The following TMEM132B variants were observed in gnomAD, a reference collection of about 807,000 sequenced individuals.
The protein encoded by TMEM132B is transmembrane protein 132B.
Under a neutral mutation model 90.8 loss-of-function variants are expected in TMEM132B, and 18 were observed. The ratio of observed to expected loss-of-function variants is 0.20; its 90% CI spans 0.14 to 0.29. TMEM132B has a LOEUF of 0.29. Ranked by LOEUF, TMEM132B falls within the 10% of genes least tolerant of loss-of-function variation. TMEM132B has a pLI of 1.00. For synonymous variants in TMEM132B, 504 were observed against 523.3 expected (o/e 0.96, Z 0.50); for missense variants, 1,096 against 1,326.8 (o/e 0.83, Z 2.70).
intron 3 of TMEM132B, among the ~76,000 whole-genome samples, chr12:125,503,744 A>G (rs894207260): frequency 6.6e-6 from 1 of 152,208 alleles, no homozygotes; most frequent in Admixed American, 6.5e-5. Flanking sequence ...AAAGGAAAGA[A>G]TCCAGCTTCT....
chr12:125,228,930 T>G (rs1364525045), intron 1 of TMEM132B, among the ~76,000 whole-genome samples: 1 of 151,662 alleles, frequency 6.6e-6, no homozygotes, highest in Non-Finnish European at 1.5e-5. Flanking sequence ...AAGAGAGGAG[T>G]GTAGGAGGAG....
intron 1 of TMEM132B, among the ~76,000 whole-genome samples, chr12:125,269,858 C>T (rs945767323): frequency 1.3e-5 from 2 of 152,104 alleles, no homozygotes; most frequent in Admixed American, 6.5e-5. Flanking sequence ...TCCAGCTCAC[C>T]ATCATTCCTA....
intron 2 of TMEM132B, among the ~76,000 whole-genome samples, chr12:125,354,282 G>T (rs551945345): frequency 6.6e-6 from 1 of 152,230 alleles, no homozygotes; most frequent in Non-Finnish European, 1.5e-5. Context: ...GCCCATAGAG[G>T]TGTGCCTTAT....
At chr12:125,210,036 A>G (rs559185247) in intron 1 of TMEM132B, among the ~76,000 whole-genome samples, 10 of 152,334 alleles carry the variant, frequency 6.6e-5, no homozygotes, top group African/African-American at 2.2e-4. Context: ...AACAAGGCCA[A>G]CAAAAATCTC....
At chr12:125,566,413 T>C (rs2136813737) in intron 4 of TMEM132B, among the ~76,000 whole-genome samples, 1 of 152,350 alleles carries the variant, frequency 6.6e-6, no homozygotes, top group African/African-American at 2.4e-5. Context: ...AAGACATAAA[T>C]AGTGCTCACA....
chr12:125,475,635 G>A (rs966956519), intron 3 of TMEM132B, among the ~76,000 whole-genome samples: 38 of 152,220 alleles, frequency 2.5e-4, no homozygotes, highest in African/African-American at 8.2e-4. Flanking sequence ...CTTGAACATC[G>A]GACTCCAAGT....
intron 3 of TMEM132B, among the ~76,000 whole-genome samples, chr12:125,511,724 C>T (rs537664029): frequency 5.6e-4 from 85 of 151,676 alleles, no homozygotes; most frequent in African/African-American, 1.0e-3. Context: ...TGGTGGCGGG[C>T]GCCTGTAGTC....
At chr12:125,548,901 A>C (rs557789841) in intron 4 of TMEM132B, among the ~76,000 whole-genome samples, 3 of 152,288 alleles carry the variant, frequency 2.0e-5, no homozygotes, top group Admixed American at 2.0e-4. Context: ...GTGGAAGTAC[A>C]TAGGCCCTTT....
chr12:125,306,240 C>A (rs1451828223), intron 1 of TMEM132B, among the ~76,000 whole-genome samples: 1 of 152,196 alleles, frequency 6.6e-6, no homozygotes, highest in Non-Finnish European at 1.5e-5. Context: ...GGAAATAAAT[C>A]TAAATTAAAA....
intron 5 of TMEM132B, among the ~76,000 whole-genome samples, chr12:125,606,565 G>A (rs1456471965): frequency 6.6e-6 from 1 of 152,210 alleles, no homozygotes. Flanking sequence ...TTATATATGT[G>A]AGCATGCACA....
intron 3 of TMEM132B, among the ~76,000 whole-genome samples, chr12:125,424,945 T>A (rs935581873): frequency 6.6e-6 from 1 of 152,140 alleles, no homozygotes; most frequent in Non-Finnish European, 1.5e-5. Context: ...GGATTCTTGC[T>A]GAAGGCAGCC....
intron 1 of TMEM132B, among the ~76,000 whole-genome samples, chr12:125,242,904 C>T (rs1304518521): frequency 6.6e-6 from 1 of 151,858 alleles, no homozygotes. Flanking sequence ...TGCTGTGCAG[C>T]CACCACCTCT....
intron 1 of TMEM132B, among the ~76,000 whole-genome samples, chr12:125,256,981 G>C (rs1874451796): frequency 6.6e-6 from 1 of 152,140 alleles, no homozygotes; most frequent in African/African-American, 2.4e-5. Context: ...TCTTCATGAG[G>C]CCTGGGATTT....
chr12:125,509,229 G>T (rs1412140789), intron 3 of TMEM132B, among the ~76,000 whole-genome samples: 1 of 152,188 alleles, frequency 6.6e-6, no homozygotes, highest in Non-Finnish European at 1.5e-5. Context: ...TCTCCAGCAT[G>T]AACTGTGGTA....
intron 3 of TMEM132B, among the ~76,000 whole-genome samples, chr12:125,511,020 T>C (rs1291417491): frequency 6.6e-6 from 1 of 152,156 alleles, no homozygotes; most frequent in Non-Finnish European, 1.5e-5. Flanking sequence ...AATATTTTTG[T>C]CACACTCAAA....
chr12:125,356,041 G>A (rs978087790), intron 2 of TMEM132B, among the ~76,000 whole-genome samples: 1 of 152,094 alleles, frequency 6.6e-6, no homozygotes, highest in Non-Finnish European at 1.5e-5. Flanking sequence ...TGGAGTTGGG[G>A]TAGGTCTTTG....
At chr12:125,399,945 C>G (rs1879269390) in intron 2 of TMEM132B, among the ~76,000 whole-genome samples, 1 of 152,210 alleles carries the variant, frequency 6.6e-6, no homozygotes, top group African/African-American at 2.4e-5. Flanking sequence ...ATGGAGCTTC[C>G]TGCATACATG....
chr12:125,469,540 T>C (rs1176084586), intron 3 of TMEM132B, among the ~76,000 whole-genome samples: 1 of 152,102 alleles, frequency 6.6e-6, no homozygotes, highest in Non-Finnish European at 1.5e-5. Context: ...CCTGGGTCTT[T>C]GATGATGAGG....
In TMEM132B at chr12:125,459,852, T is replaced by A. The variant is rs142486965; in HGVS notation, c.1106+44175T>A. ...TGGGAGCAGTTTCCCCCATACTGTT[T>A]TCACGGTAGTGGATAAGTCTCATGA... On this transcript the variant is annotated intron_variant, in intron 3 of 8. Transcript: ENST00000682704. The surrounding 1 kb of genome is among the most constrained non-coding windows in gnomAD (Gnocchi z 4.1). Among the ~76,000 whole-genome samples the A allele has an allele frequency of 6.7e-3, 1,025 of 152,270 alleles. 15 individuals are homozygous for A. The highest frequency in any genetic ancestry group is 0.023 in the African/African-American group (956 of 41,560).
Sources: gnomAD v4.1 joint callset for allele counts (sites outside exome capture counted in the v4.1 genomes callset) on GRCh38, gnomAD v4.1.1 for gene constraint, Gnocchi (gnomAD v3.1) non-coding constraint, MANE v1.5 for transcripts, NCBI Gene and HGNC (gene_info 2026-07-23, HGNC 2026-07-21) for gene names.